The following MGAT4C variants were observed in gnomAD, a reference collection of about 807,000 sequenced individuals.
The protein encoded by MGAT4C is alpha-1,3-mannosyl-glycoprotein 4-beta-N-acetylglucosaminyltransferase C.
Under a neutral mutation model 40.1 loss-of-function variants are expected in MGAT4C, and 19 were observed. That is an observed-to-expected ratio of 0.47 (90% CI 0.33 to 0.70). The LOEUF (loss-of-function observed/expected upper bound fraction) is 0.70. MGAT4C is among the 30% of genes least tolerant of loss of function. The pLI, the probability that MGAT4C is intolerant of heterozygous loss-of-function variation, is 0.02. For missense variants in MGAT4C, 491 were observed against 563.2 expected, an observed-to-expected ratio of 0.87 and a Z score of 1.30; for synonymous variants, 181 against 187.1, an observed-to-expected ratio of 0.97 and a Z score of 0.27.
intron 2 of MGAT4C, among the ~76,000 whole-genome samples, chr12:86,616,647 TCTGTATG>T (rs547116215): frequency 9.9e-4 from 151 of 152,234 alleles, no homozygotes; most frequent in African/African-American, 3.4e-3. Flanking sequence ...CTCATTTATT[TCTGTATG>T]CTGTATGCTG....
intron 4 of MGAT4C, among the ~76,000 whole-genome samples, chr12:86,312,811 T>C (rs1430349724): frequency 6.6e-6 from 1 of 152,196 alleles, no homozygotes; most frequent in African/African-American, 2.4e-5. Flanking sequence ...CTATGGCTAC[T>C]GAGTCTGCAT....
intron 2 of MGAT4C, among the ~76,000 whole-genome samples, chr12:86,039,696 T>A (rs1397014904): frequency 6.6e-6 from 1 of 152,178 alleles, no homozygotes; most frequent in African/African-American, 2.4e-5. Context: ...GAGTTTGTTG[T>A]TACTCACCTT....
chr12:86,321,864 C>A (rs1367239485), intron 4 of MGAT4C, among the ~76,000 whole-genome samples: 1 of 152,052 alleles, frequency 6.6e-6, no homozygotes, highest in Non-Finnish European at 1.5e-5. Flanking sequence ...CCAGGCATCC[C>A]ATTACTGGGT....
At chr12:86,220,170 A>G in intron 1 of MGAT4C, among the ~76,000 whole-genome samples, 1 of 152,130 alleles carries the variant, frequency 6.6e-6, no homozygotes, top group East Asian at 1.9e-4. Flanking sequence ...GGGGACCTCA[A>G]GGTATAATTA....
chr12:86,331,863 G>A (rs1447836512), intron 4 of MGAT4C, among the ~76,000 whole-genome samples: 1 of 152,038 alleles, frequency 6.6e-6, no homozygotes. Flanking sequence ...AACCTAATAG[G>A]TTGTATATTT....
At chr12:86,194,295 G>T (rs61948967) in intron 1 of MGAT4C, among the ~76,000 whole-genome samples, 12,656 of 152,068 alleles carry the variant, frequency 0.083, 626 homozygotes, top group Middle Eastern at 0.22. Context: ...GGGTTTCAGT[G>T]ACATAGCCCT....
At chr12:86,123,953 T>C (rs556135461) in intron 1 of MGAT4C, among the ~76,000 whole-genome samples, 26 of 152,118 alleles carry the variant, frequency 1.7e-4, no homozygotes, top group African/African-American at 4.8e-5. Flanking sequence ...ATAGTCCCAT[T>C]GTTATCCTTA....
At chr12:86,585,562 A>G (rs1331086613) in intron 2 of MGAT4C, among the ~76,000 whole-genome samples, 2 of 151,420 alleles carry the variant, frequency 1.3e-5, no homozygotes, top group African/African-American at 4.8e-5. Context: ...TGAGATTGAC[A>G]TATTAATAAT....
chr12:86,428,071 C>A (rs984260852), intron 3 of MGAT4C, among the ~76,000 whole-genome samples: 4 of 151,174 alleles, frequency 2.6e-5, no homozygotes, highest in Non-Finnish European at 4.4e-5. Flanking sequence ...AACAAAAAAA[C>A]CCGCTAATAT....
At chr12:86,683,634 T>TA (rs1417829226) in intron 2 of MGAT4C, among the ~76,000 whole-genome samples, 1 of 152,146 alleles carries the variant, frequency 6.6e-6, no homozygotes, top group Admixed American at 6.5e-5. Context: ...TGTCTTATGT[T>TA]AAAAACAGAC....
intron 2 of MGAT4C, among the ~76,000 whole-genome samples, chr12:86,638,008 C>G (rs568242517): frequency 3.3e-5 from 5 of 151,990 alleles, no homozygotes; most frequent in African/African-American, 1.2e-4. Flanking sequence ...TGTAGTTAGA[C>G]CCTGTACGCA....
chr12:86,785,670 C>A (rs565536843), intron 1 of MGAT4C, among the ~76,000 whole-genome samples: 2 of 151,756 alleles, frequency 1.3e-5, no homozygotes, highest in South Asian at 2.1e-4. Context: ...ATTATCATTT[C>A]AGTGTTTTGA....
intron 3 of MGAT4C, among the ~76,000 whole-genome samples, chr12:86,380,507 G>A (rs1048204533): frequency 6.6e-6 from 1 of 152,106 alleles, no homozygotes; most frequent in Non-Finnish European, 1.5e-5. Context: ...ACTTCGTTTG[G>A]TAGAAAGTAA....
intron 2 of MGAT4C, among the ~76,000 whole-genome samples, chr12:86,546,209 A>T (rs2136391078): frequency 6.6e-6 from 1 of 152,058 alleles, no homozygotes; most frequent in East Asian, 1.9e-4. Context: ...TTCATATTGT[A>T]GTATCAAACA....
At chr12:86,069,500 A>G (rs1894868492) in intron 1 of MGAT4C, among the ~76,000 whole-genome samples, 1 of 152,176 alleles carries the variant, frequency 6.6e-6, no homozygotes, top group African/African-American at 2.4e-5. Context: ...CAATCTTAAT[A>G]TTCTATGTAT....
intron 3 of MGAT4C, among the ~76,000 whole-genome samples, chr12:86,376,085 ATAGT>A (rs956848000): frequency 3.3e-5 from 5 of 151,994 alleles, no homozygotes; most frequent in Admixed American, 1.3e-4. Flanking sequence ...TTGCAAATGG[ATAGT>A]TAAATTGAAA....
Position 86,501,693 on chromosome 12 carries a change from C to A in MGAT4C, c.-228-66428G>T, listed in dbSNP as rs537544734. On this transcript the variant is annotated intron_variant, in intron 2 of 7. Coordinates refer to the MGAT4C transcript ENST00000548651. ...ATGATCTTGTTCCTTTTTATGGCTGCATAGTATTCCATGGTGTATATATGC... is the reference window on the plus strand; with the variant it reads ...ATGATCTTGTTCCTTTTTATGGCTGAATAGTATTCCATGGTGTATATATGC... 2.0e-4 allele frequency among the ~76,000 whole-genome samples: 31 copies of A among 152,150 alleles called. No homozygotes were observed. In the South Asian group the frequency reaches 6.2e-3, roughly 31 times the overall value.
At chr12:86,455,337 A>T (rs1260091727) in intron 2 of MGAT4C, among the ~76,000 whole-genome samples, 1 of 152,138 alleles carries the variant, frequency 6.6e-6, no homozygotes, top group African/African-American at 2.4e-5. Context: ...TGTGGGGAAC[A>T]TCTATTTGAG....
At chr12:86,177,836 G>A (rs972414998) in intron 1 of MGAT4C, among the ~76,000 whole-genome samples, 1 of 152,026 alleles carries the variant, frequency 6.6e-6, no homozygotes, top group Admixed American at 6.6e-5. Context: ...ATTGTGATTA[G>A]CCCACAAGAT....
Sources: allele counts gnomAD v4.1 joint callset (sites outside exome capture counted in the v4.1 genomes callset), GRCh38; gene constraint gnomAD v4.1.1; transcripts MANE v1.5; gene names NCBI Gene and HGNC (gene_info 2026-07-23, HGNC 2026-07-21).